P2RY8: variants seen among roughly 807,000 people sequenced by gnomAD.
P2RY8 encodes the protein S-geranylgeranyl-glutathione receptor P2RY8.
Under a neutral mutation model 10.0 loss-of-function variants are expected in P2RY8, and 6 were observed. The ratio of observed to expected loss-of-function variants is 0.60; its 90% CI spans 0.33 to 1.19. P2RY8 has a LOEUF of 1.19. Ranked by LOEUF, P2RY8 falls within the 50% of genes most tolerant of loss-of-function variation. The pLI is 0.04. For missense variants in P2RY8, 456 were observed against 542.0 expected, an observed-to-expected ratio of 0.84 and a Z score of 1.58; for synonymous variants, 276 against 252.5, an observed-to-expected ratio of 1.09 and a Z score of -0.88.
At chrX:1,472,226 T>C (rs751560592) in intron 1 of P2RY8, among the ~76,000 whole-genome samples, 1 of 151,772 alleles carries the variant, frequency 6.6e-6, no homozygotes, top group South Asian at 2.1e-4. Context: ...AATGTGGTCA[T>C]AATAGAGTAG....
chrX:1,530,802 T>G (rs1406748924), intron 1 of P2RY8, among the ~76,000 whole-genome samples: 1 of 151,644 alleles, frequency 6.6e-6, no homozygotes, highest in African/African-American at 2.4e-5. Context: ...TATCTATCTC[T>G]ATTATCTATA....
intron 1 of P2RY8, among the ~76,000 whole-genome samples, chrX:1,516,039 T>TGC (rs2092345529): frequency 7.7e-6 from 1 of 130,008 alleles, no homozygotes; most frequent in Admixed American, 7.6e-5. Flanking sequence ...AAAAAAAAAA[T>TGC]ACTAAAAATT....
rs2092285671 is a variant in P2RY8, at chrX:1,509,865, CTATGTATCTATCCATTCTATCTATCTATG to C, written c.-25+27027_-25+27055del. 4.6e-5 allele frequency among the ~76,000 whole-genome samples: 7 copies of C among 151,342 alleles called. No individual in the cohort carries two copies. In the South Asian group the frequency reaches 1.5e-3, roughly 32 times the overall value. On this transcript the variant is annotated intron_variant, in intron 1 of 1. Transcript: ENST00000381297. The stretch of plus-strand genomic sequence containing the variant: ...TATTATCTATCTATCATCTATGTAT[CTATGTATCTATCCATTCTATCTATCTATG>C]TATGTATCTATCTATCTTCTCTATC...
intron 1 of P2RY8, among the ~76,000 whole-genome samples, chrX:1,482,160 GGTGTGTGTGTGTGTGT>G (rs5901178): frequency 3.4e-5 from 5 of 146,972 alleles, no homozygotes; most frequent in African/African-American, 1.2e-4. Context: ...TTGTGTGTGT[GGTGTGTGTGTGTGTGT>G]GTGTGTGTGT....
At position 1,465,490 on chromosome X, in the gene P2RY8, T is replaced by C. The variant is rs1480468851; in HGVS notation, c.1069A>G (p.Ser357Gly). 6.2e-7 allele frequency: 1 copy of C among 1,605,220 alleles called. No individual in the cohort carries two copies. Residue 357 changes from serine to glycine, a missense_variant, in exon 2 of 2, where the codon AGT (serine) becomes GGT (glycine). Physicochemically the swap from Ser to Gly is moderately conservative, Grantham distance 56. Transcript: ENST00000381297. ...ATRPGLQRQE[S>G]VF The stretch of plus-strand genomic sequence containing the variant: ...TGCGCCCCCGGGACTCAGAACACAC[T>C]CTCCTGCCTCTGGAGGCCGGGCCTG...
chrX:1,485,926 G>A (rs4474196), intron 1 of P2RY8, among the ~76,000 whole-genome samples: 149,090 of 152,172 alleles, frequency 0.98, 73,103 homozygotes, highest in East Asian at 1. Flanking sequence ...ATTAGAAAAT[G>A]TATAAAAAGG....
intron 1 of P2RY8, among the ~76,000 whole-genome samples, chrX:1,535,712 C>G (rs866154292): frequency 6.5e-4 from 94 of 145,304 alleles, no homozygotes; most frequent in Admixed American, 2.2e-3. Flanking sequence ...CACACACACA[C>G]ACAGACACAC....
At position 1,466,748 on chromosome X, in the gene P2RY8, C is replaced by A. The variant is rs758279043; in HGVS notation, c.-24-166G>T. The stretch of plus-strand genomic sequence containing the variant: ...CCTCCCTTAGTTCCTCCTTCCCTCT[C>A]CTCCTTCCTTCCCTCCCTCTCTGCC... On this transcript the variant is annotated intron_variant, in intron 1 of 1. Transcript: ENST00000381297. Among the ~76,000 whole-genome samples the A allele has an allele frequency of 2.7e-5, 4 of 147,300 alleles. No individual in the cohort carries two copies. The South Asian group carries it at 8.8e-4, about 32-fold the overall frequency.
chrX:1,484,747 AAGAAGAAG>A (rs1411198750), intron 1 of P2RY8, among the ~76,000 whole-genome samples: 19 of 102,142 alleles, frequency 1.9e-4, no homozygotes, highest in Admixed American at 5.5e-4. Context: ...AAAAAAAAAA[AAGAAGAAG>A]AAGAAGAAGA....
At chrX:1,516,794 C>A (rs1345181201) in intron 1 of P2RY8, among the ~76,000 whole-genome samples, 4 of 148,648 alleles carry the variant, frequency 2.7e-5, no homozygotes, top group African/African-American at 7.5e-5. Context: ...CACAGAGGGG[C>A]GACCCTGTGA....
At chrX:1,496,666 T>C (rs1485522434) in intron 1 of P2RY8, among the ~76,000 whole-genome samples, 1 of 151,502 alleles carries the variant, frequency 6.6e-6, no homozygotes, top group Admixed American at 6.6e-5. Flanking sequence ...TGGGAAGATA[T>C]TCAACACTGC....
At chrX:1,510,135 A>C (rs2092288309) in intron 1 of P2RY8, among the ~76,000 whole-genome samples, 2 of 152,076 alleles carry the variant, frequency 1.3e-5, no homozygotes, top group Non-Finnish European at 2.9e-5. Flanking sequence ...TCTGTCATCT[A>C]TATCTATGTA....
chrX:1,516,573 A>G (rs567669900), intron 1 of P2RY8, among the ~76,000 whole-genome samples: 27 of 151,838 alleles, frequency 1.8e-4, no homozygotes, highest in South Asian at 1.2e-3. Flanking sequence ...TCCTGTGAGG[A>G]CACAGGGAGA....
chrX:1,508,708 A>ATTCTT (rs1282005821), intron 1 of P2RY8, among the ~76,000 whole-genome samples: 41 of 60,814 alleles, frequency 6.7e-4, no homozygotes, highest in African/African-American at 2.2e-3. Context: ...CATCCATTCT[A>ATTCTT]TCTATCTATC....
intron 1 of P2RY8, among the ~76,000 whole-genome samples, chrX:1,535,377 G>T (rs1464117377): frequency 6.6e-6 from 1 of 151,208 alleles, no homozygotes; most frequent in Non-Finnish European, 1.5e-5. Context: ...TAGTAGAGAC[G>T]GGGTTTCACT....
chrX:1,515,824 A>T (rs1486044843), intron 1 of P2RY8, among the ~76,000 whole-genome samples: 1 of 151,490 alleles, frequency 6.6e-6, no homozygotes. Flanking sequence ...GGGGGAGATT[A>T]GGGTGGGATG....
At chrX:1,468,343 C>T (rs1304736806) in intron 1 of P2RY8, among the ~76,000 whole-genome samples, 1 of 152,206 alleles carries the variant, frequency 6.6e-6, no homozygotes, top group Non-Finnish European at 1.5e-5. Flanking sequence ...CGGCCACCCT[C>T]GTGTCTGTAC....
chrX:1,505,382 A>G (rs2092222932), intron 1 of P2RY8, among the ~76,000 whole-genome samples: 1 of 152,212 alleles, frequency 6.6e-6, no homozygotes, highest in Admixed American at 6.5e-5. Context: ...GATAGTGTCC[A>G]TGGACTGAGT....
chrX:1,465,433 G>A lies in P2RY8; in HGVS notation c.*46C>T, dbSNP rs201183099. 6.4e-7 allele frequency: 1 copy of A among 1,553,360 alleles called. No individual in the cohort carries two copies. The highest frequency in any genetic ancestry group is 1.2e-5 in the South Asian group (1 of 82,050). On this transcript the variant is annotated 3_prime_UTR_variant, in exon 2 of 2. Transcript: ENST00000381297. ...ACCGTGGCCTCTCCATGCGCCCCTG[G>A]ATCTCCAAGCTGCGCCCCCGGCTCT...
Sources: allele counts gnomAD v4.1 joint callset (sites outside exome capture counted in the v4.1 genomes callset), GRCh38; gene constraint gnomAD v4.1.1; transcripts MANE v1.5; gene names NCBI Gene and HGNC (gene_info 2026-07-23, HGNC 2026-07-21).